Variants in EHBP1 observed in about 807,000 individuals in gnomAD.
EHBP1 encodes the protein EH domain-binding protein 1.
In EHBP1, 55 loss-of-function variants were observed where a neutral mutation model predicts 144.0. The observed-to-expected ratio is 0.38, with a 90% CI of 0.31 to 0.48. EHBP1 has a LOEUF of 0.48. Among genes scored for constraint, EHBP1 ranks in the 20% least tolerant of loss-of-function variants. EHBP1 has a pLI of 0.98. For missense variants in EHBP1, 1,200 were observed against 1,364.2 expected, an observed-to-expected ratio of 0.88 and a Z score of 1.90; for synonymous variants, 469 against 472.7, an observed-to-expected ratio of 0.99 and a Z score of 0.10.
chr2:62,973,690 T>C (rs2058589802), intron 14 of EHBP1, among the ~76,000 whole-genome samples: 1 of 152,218 alleles, frequency 6.6e-6, no homozygotes, highest in Admixed American at 6.5e-5. Context: ...TCCTAGCATA[T>C]TTTTTAAGTT....
At chr2:62,708,910 G>T (rs1358376132) in intron 2 of EHBP1, among the ~76,000 whole-genome samples, 1 of 151,954 alleles carries the variant, frequency 6.6e-6, no homozygotes, top group Non-Finnish European at 1.5e-5. Context: ...GGATTGGGGG[G>T]CATGCAGTGA....
intron 10 of EHBP1, among the ~76,000 whole-genome samples, chr2:62,935,198 G>C (rs1283897928): frequency 2.0e-5 from 3 of 151,526 alleles, no homozygotes; most frequent in African/African-American, 7.3e-5. Context: ...GTGTGGTGGC[G>C]TGCACCTATA....
At chr2:62,968,977 G>A (rs1574290052) in intron 14 of EHBP1, among the ~76,000 whole-genome samples, 1 of 152,312 alleles carries the variant, frequency 6.6e-6, no homozygotes, top group African/African-American at 2.4e-5. Context: ...GGCCTTGGAT[G>A]TAACACAAGG....
chr2:62,911,634 G>A (rs764420193), intron 10 of EHBP1, among the ~76,000 whole-genome samples: 2 of 152,026 alleles, frequency 1.3e-5, no homozygotes, highest in Admixed American at 1.3e-4. Context: ...GCTAATTTTT[G>A]TATTTTTCAT....
chr2:62,758,068 C>T (rs952771121), intron 3 of EHBP1, among the ~76,000 whole-genome samples: 4 of 151,052 alleles, frequency 2.6e-5, no homozygotes, highest in Admixed American at 1.3e-4. Flanking sequence ...TTTTGAGGTA[C>T]GTGTTTGAAT....
chr2:62,964,336 T>G (rs765774813), intron 14 of EHBP1, among the ~76,000 whole-genome samples: 19 of 152,230 alleles, frequency 1.2e-4, no homozygotes, highest in Admixed American at 2.0e-4. Context: ...TAATAATGGC[T>G]GTGGACATTT....
intron 5 of EHBP1, among the ~76,000 whole-genome samples, chr2:62,795,264 A>T (rs1159336812): frequency 2.6e-5 from 4 of 151,614 alleles, no homozygotes; most frequent in Non-Finnish European, 4.4e-5. Flanking sequence ...CCTCCATCCT[A>T]CCCCATTGTG....
At chr2:62,764,514 A>T (rs1036087530) in intron 4 of EHBP1, among the ~76,000 whole-genome samples, 153 bp downstream of exon 4, 1 of 152,096 alleles carries the variant, frequency 6.6e-6, no homozygotes, top group Non-Finnish European at 1.5e-5. Flanking sequence ...AACAATGCAA[A>T]GGAATCACAG....
chr2:62,729,612 TAATA>T (rs894575094), intron 2 of EHBP1, among the ~76,000 whole-genome samples: 19 of 133,026 alleles, frequency 1.4e-4, no homozygotes, highest in South Asian at 4.6e-4. Context: ...ATAAATATAA[TAATA>T]AATAAAATAA....
intron 4 of EHBP1, among the ~76,000 whole-genome samples, chr2:62,766,010 C>A (rs1300873719): frequency 2.6e-5 from 4 of 152,178 alleles, no homozygotes; most frequent in Non-Finnish European, 4.4e-5. Flanking sequence ...TCTTTCTACC[C>A]TTTCCCTGTT....
chr2:62,837,374 G>A (rs1419397748), intron 7 of EHBP1, among the ~76,000 whole-genome samples: 11 of 147,500 alleles, frequency 7.5e-5, no homozygotes, highest in East Asian at 6.0e-4. Flanking sequence ...GGTACCAGCC[G>A]CTGCAAAATC....
In EHBP1 at chr2:62,757,520, G is replaced by T. The variant is rs114174563; in HGVS notation, c.163-6746G>T. Reference sequence around the variant, plus strand: ...ATGATCTCGGCGCACTGCAACCTCCGCTTCCTGGGTTCATGCAATTCTCCT... The same window carrying T: ...ATGATCTCGGCGCACTGCAACCTCCTCTTCCTGGGTTCATGCAATTCTCCT... On this transcript the variant is annotated intron_variant, in intron 3 of 22. Coordinates refer to ENST00000431489, the MANE Select transcript of EHBP1 (RefSeq NM_001142616.3). 4.2e-5 allele frequency among the ~76,000 whole-genome samples: 6 copies of T among 141,642 alleles called. No homozygotes were observed. The South Asian group carries it at 1.4e-3, about 33-fold the overall frequency. The allele number at this position is 141,642 out of a possible 152,430, so 92.9% of individuals were successfully genotyped here.
chr2:62,868,161 G>C (rs1333575158), intron 9 of EHBP1, among the ~76,000 whole-genome samples: 1 of 152,124 alleles, frequency 6.6e-6, no homozygotes, highest in East Asian at 1.9e-4. Context: ...GATCACTTTA[G>C]GTCAGGAGTT....
chr2:62,828,950 T>G (rs759795657), intron 6 of EHBP1, among the ~76,000 whole-genome samples: 24 of 151,906 alleles, frequency 1.6e-4, no homozygotes, highest in Non-Finnish European at 1.6e-4. Context: ...GACCCCCCTC[T>G]CTACAGAAAT....
intron 1 of EHBP1, among the ~76,000 whole-genome samples, chr2:62,687,344 A>G (rs2033751194): frequency 6.6e-6 from 1 of 152,254 alleles, no homozygotes; most frequent in African/African-American, 2.4e-5. Context: ...TATTGGAAAT[A>G]ATAAAGTTCA....
intron 7 of EHBP1, among the ~76,000 whole-genome samples, chr2:62,843,568 T>C (rs1573663918): frequency 6.6e-6 from 1 of 152,216 alleles, no homozygotes; most frequent in East Asian, 1.9e-4. Flanking sequence ...CATTTTCTAT[T>C]ATGTTTGCAG....
At position 62,993,578 on chromosome 2, in the gene EHBP1, C is replaced by T. The variant is rs148087793; in HGVS notation, c.2782C>T (p.Arg928Cys). 1.4e-4 allele frequency: 218 copies of T among 1,606,040 alleles called. No individual in the cohort carries two copies. The African/African-American group carries it at 2.5e-3, about 18-fold the overall frequency. The change falls in exon 17 of 23, where the codon CGT (arginine) becomes TGT (cysteine). Residue 928 changes from arginine (R) to cysteine (C), a missense_variant. Arg to Cys is a radical substitution (Grantham distance 180). This residue lies in a region of EHBP1 where 543 missense variants were observed against 513.1 expected (regional missense o/e 1.06). Coordinates refer to ENST00000431489, the MANE Select transcript of EHBP1 (RefSeq NM_001142616.3). ...TGAACGATTACAAAAAACAACAGAA[C>T]GTTTTAGAAATCCTGTTGTGTTCAG... is the stretch of plus-strand genomic sequence containing the variant. ...RTERLQKTTE[R>C]FRNPVVFSKD...
chr2:62,999,194 G>A lies in EHBP1; in HGVS notation c.3103+2428G>A, dbSNP rs577605254. Among the ~76,000 whole-genome samples the A allele has an allele frequency of 9.2e-5, 14 of 152,086 alleles. No individual in the cohort carries two copies. The South Asian group carries it at 2.9e-3, about 32-fold the overall frequency. On this transcript the variant is annotated intron_variant, in intron 19 of 22. Coordinates refer to ENST00000431489, the MANE Select transcript of EHBP1 (RefSeq NM_001142616.3). Reference sequence around the variant, plus strand: ...TGGTGGAGTTACGGCTTGAACCCAGGTTTTCAGGTTTTCTAGCTCTTGACT... The same window carrying A: ...TGGTGGAGTTACGGCTTGAACCCAGATTTTCAGGTTTTCTAGCTCTTGACT...
chr2:63,000,200 G>A (rs2059792278), intron 19 of EHBP1, among the ~76,000 whole-genome samples: 3 of 152,144 alleles, frequency 2.0e-5, no homozygotes, highest in Admixed American at 2.0e-4. Flanking sequence ...GAATGTAAAA[G>A]GCTCATACAA....
Sources: gnomAD v4.1 joint callset for allele counts (sites outside exome capture counted in the v4.1 genomes callset) on GRCh38, gnomAD v4.1.1 for gene constraint, gnomAD v4.1.1 regional missense constraint, MANE v1.5 for transcripts, NCBI Gene and HGNC (gene_info 2026-07-23, HGNC 2026-07-21) for gene names.